TPTE2: variants seen among roughly 807,000 people sequenced by gnomAD.
TPTE2 encodes transmembrane phosphoinositide 3-phosphatase and tensin homolog 2.
In TPTE2, 53 loss-of-function variants were observed where a neutral mutation model predicts 78.6. The ratio of observed to expected loss-of-function variants is 0.67; its 90% CI spans 0.54 to 0.85. TPTE2 has a LOEUF of 0.85. Ranked by LOEUF, TPTE2 falls within the 40% of genes least tolerant of loss-of-function variation. The pLI, the probability that TPTE2 is intolerant of heterozygous loss-of-function variation, is 0.00. For synonymous variants in TPTE2, 175 were observed against 206.2 expected (o/e 0.85, Z 1.30); for missense variants, 461 against 623.0 (o/e 0.74, Z 2.77).
At chr13:19,434,384 T>C (rs1876907094) in intron 15 of TPTE2, among the ~76,000 whole-genome samples, 1 of 151,934 alleles carries the variant, frequency 6.6e-6, no homozygotes. Flanking sequence ...TGTGTTGGAG[T>C]ATGGGATGTG....
At chr13:19,513,446 A>C (rs2137700120) in intron 1 of TPTE2, among the ~76,000 whole-genome samples, 2 of 152,370 alleles carry the variant, frequency 1.3e-5, no homozygotes, top group Middle Eastern at 6.8e-3. Flanking sequence ...TCCCATCTCC[A>C]GTATCTATTA....
intron 3 of TPTE2, among the ~76,000 whole-genome samples, chr13:19,489,470 CAT>C (rs1342903740): frequency 6.0e-5 from 9 of 150,266 alleles, no homozygotes; most frequent in African/African-American, 1.5e-4. Context: ...AGGATATATA[CAT>C]ATATGTTTAC....
chr13:19,502,690 C>G (rs962132554), intron 1 of TPTE2, among the ~76,000 whole-genome samples: 10 of 151,478 alleles, frequency 6.6e-5, no homozygotes, highest in Non-Finnish European at 1.0e-4. Context: ...GGAGATATAC[C>G]TAATGCTAGA....
At chr13:19,496,685 T>G (rs1881332524) in intron 1 of TPTE2, among the ~76,000 whole-genome samples, 1 of 152,226 alleles carries the variant, frequency 6.6e-6, no homozygotes, top group Non-Finnish European at 1.5e-5. Flanking sequence ...TGTCAGCTGC[T>G]ATCTCCTCCA....
the TPTE2 span, among the ~76,000 whole-genome samples, chr13:19,546,088 G>C: frequency 6.6e-6 from 1 of 152,114 alleles, no homozygotes; most frequent in African/African-American, 2.4e-5. Flanking sequence ...TAGTACCTGG[G>C]AGGCTGGGGG....
chr13:19,466,487 G>GT (rs1260740544), intron 7 of TPTE2, among the ~76,000 whole-genome samples: 1 of 152,118 alleles, frequency 6.6e-6, no homozygotes, highest in Non-Finnish European at 1.5e-5. Flanking sequence ...CTACATCCCA[G>GT]TATACATTTG....
chr13:19,425,533 C>T (rs577475285), intron 18 of TPTE2, among the ~76,000 whole-genome samples: 24 of 152,232 alleles, frequency 1.6e-4, no homozygotes, highest in Admixed American at 3.9e-4. Context: ...ATGACCACTT[C>T]ACTATGGGAC....
At chr13:19,530,941 C>A (rs1870831528) in intron 1 of TPTE2, among the ~76,000 whole-genome samples, 1 of 152,166 alleles carries the variant, frequency 6.6e-6, no homozygotes, top group African/African-American at 2.4e-5. Context: ...TCTCTACTAT[C>A]CATTCTCTGA....
chr13:19,555,553 C>A, the TPTE2 span, among the ~76,000 whole-genome samples: 1 of 152,154 alleles, frequency 6.6e-6, no homozygotes, highest in Non-Finnish European at 1.5e-5. Flanking sequence ...TCAAACAGTA[C>A]CTTCATTAGA....
At chr13:19,544,857 G>T in the TPTE2 span, among the ~76,000 whole-genome samples, 1 of 152,056 alleles carries the variant, frequency 6.6e-6, no homozygotes. Context: ...AACTGTGATT[G>T]TGCTACTGCA....
chr13:19,427,315 C>T (rs1035204767), intron 17 of TPTE2, among the ~76,000 whole-genome samples: 4 of 150,746 alleles, frequency 2.7e-5, no homozygotes, highest in African/African-American at 9.8e-5. Flanking sequence ...GATCTCTTGA[C>T]CTCATGATCC....
Position 19,497,219 on chromosome 13 carries a change from G to T in TPTE2, c.12-3718C>A, listed in dbSNP as rs1246871310. Among the ~76,000 whole-genome samples the T allele has an allele frequency of 1.8e-3, 273 of 148,990 alleles. 3 individuals are homozygous for T. The highest frequency in any genetic ancestry group is 6.4e-3 in the African/African-American group (262 of 41,082). On this transcript the variant is annotated intron_variant, in intron 1 of 19. Transcript: ENST00000400230. Reference sequence around the variant, plus strand: ...AAACTGCAAGGCGGCAGCGAGGCTGGGGGAGGGGCGCCCGACATTGCCCAG... The same window carrying T: ...AAACTGCAAGGCGGCAGCGAGGCTGTGGGAGGGGCGCCCGACATTGCCCAG...
At chr13:19,524,220 T>C (rs1392027467) in intron 1 of TPTE2, among the ~76,000 whole-genome samples, 2 of 152,128 alleles carry the variant, frequency 1.3e-5, no homozygotes, top group Non-Finnish European at 2.9e-5. Context: ...AAAGACAAAG[T>C]TGGAAGGATA....
At chr13:19,456,239 G>A (rs1471455001) in intron 10 of TPTE2, among the ~76,000 whole-genome samples, 1 of 152,170 alleles carries the variant, frequency 6.6e-6, no homozygotes, top group Non-Finnish European at 1.5e-5. Flanking sequence ...ACTTTGGGAG[G>A]CTGAGGTGGG....
At chr13:19,489,339 T>C (rs1368570490) in intron 3 of TPTE2, among the ~76,000 whole-genome samples, 1 of 151,952 alleles carries the variant, frequency 6.6e-6, no homozygotes, top group East Asian at 1.9e-4. Flanking sequence ...CTTCAGTTTA[T>C]AAAAAAGTAA....
At chr13:19,510,669 C>T (rs1455247940) in intron 1 of TPTE2, among the ~76,000 whole-genome samples, 2 of 151,960 alleles carry the variant, frequency 1.3e-5, no homozygotes, top group African/African-American at 2.4e-5. Flanking sequence ...ATATTGTTTA[C>T]AAATGTAACA....
the TPTE2 span, among the ~76,000 whole-genome samples, chr13:19,547,054 T>C: frequency 3.1e-4 from 47 of 150,644 alleles, no homozygotes; most frequent in African/African-American, 1.1e-3. Flanking sequence ...CTGAAACTTA[T>C]TAATATTATG....
intron 1 of TPTE2, among the ~76,000 whole-genome samples, chr13:19,526,560 T>C (rs1870511154): frequency 6.6e-6 from 1 of 152,024 alleles, no homozygotes; most frequent in South Asian, 2.1e-4. Context: ...CATTGGGGCC[T>C]ACTTGAGGGT....
intron 1 of TPTE2, among the ~76,000 whole-genome samples, chr13:19,494,791 A>T (rs1196082891): frequency 1.3e-5 from 2 of 152,206 alleles, no homozygotes; most frequent in African/African-American, 4.8e-5. Context: ...TCAGGACTAA[A>T]GGACAAATAT....
Sources: gnomAD v4.1 joint callset for allele counts (sites outside exome capture counted in the v4.1 genomes callset) on GRCh38, gnomAD v4.1.1 for gene constraint, MANE v1.5 for transcripts, NCBI Gene and HGNC (gene_info 2026-07-23, HGNC 2026-07-21) for gene names.